The following ASPM variants were observed in gnomAD, a reference collection of about 807,000 sequenced individuals.
ASPM encodes the protein assembly factor for spindle microtubules, also known as abnormal spindle-like microcephaly-associated protein.
In ASPM, 256 loss-of-function variants were observed where a neutral mutation model predicts 366.4. The ratio of observed to expected loss-of-function variants is 0.70; its 90% CI spans 0.63 to 0.77. The LOEUF is 0.77. Among genes scored for constraint, ASPM ranks in the 30% least tolerant of loss-of-function variants. ASPM has a pLI of 0.00. For missense variants in ASPM, 4,146 were observed against 4,090.4 expected (o/e 1.01, Z -0.37); for synonymous variants, 1,414 against 1,342.9 (o/e 1.05, Z -1.16).
chr1:197,118,366 G>C (rs1657802882), intron 16 of ASPM, among the ~76,000 whole-genome samples: 1 of 152,072 alleles, frequency 6.6e-6, no homozygotes, highest in Non-Finnish European at 1.5e-5. Context: ...ATGAAAAAAA[G>C]AATGTGTTAG....
In ASPM at chr1:197,094,101, G is replaced by A. The variant is rs1292966852; in HGVS notation, c.9067C>T (p.His3023Tyr). ...AILPAKIAHE[H>Y]FLMIKRHRAA... ...ATACCTACTTTTATCATTAAGAAGT[G>A]TTCATGAGCTATCTTTGCAGGAAGT... The change falls in exon 20 of 28, where the codon CAC (histidine) becomes TAC (tyrosine). Residue 3023 changes from histidine to tyrosine, a missense_variant. Physicochemically the swap from His to Tyr is moderately conservative, Grantham distance 83. This residue lies in a region of ASPM where 3,624 missense variants were observed against 3,591.7 expected (regional missense o/e 1.01). Transcript: ENST00000367409. 3 of 1,593,990 alleles carry A rather than the reference G, an allele frequency of 1.9e-6. No homozygotes were observed. Among genetic ancestry groups the A allele is most frequent in the South Asian group, 1.1e-5 (1 of 89,724 alleles).
In ASPM at chr1:197,125,838, C is replaced by T. The variant is rs1571617385; in HGVS notation, c.2937-647G>A. On this transcript the variant is annotated intron_variant, in intron 10 of 27. Transcript: ENST00000367409. Reference sequence around the variant, plus strand: ...AACCCCAACTGATTTCTGTCTTCAACAAAAAGCTGGTAGAATTACTTATAC... The same window carrying T: ...AACCCCAACTGATTTCTGTCTTCAATAAAAAGCTGGTAGAATTACTTATAC... Among the ~76,000 whole-genome samples, 4 of 152,128 alleles carry T rather than the reference C, an allele frequency of 2.6e-5. No homozygotes were observed. The South Asian group carries it at 8.3e-4, about 32-fold the overall frequency.
At chr1:197,142,296 G>A (rs971191765) in intron 3 of ASPM, 35 bp downstream of exon 3, 1 of 1,602,124 alleles carries the variant, frequency 6.2e-7, no homozygotes, top group Non-Finnish European at 8.5e-7. Flanking sequence ...CCCCTTTACA[G>A]GTATACTTCA....
At position 197,133,612 on chromosome 1, in the gene ASPM, G is replaced by C. The variant is rs768596681; in HGVS notation, c.2174-17C>G. 5 of 1,610,128 alleles carry C rather than the reference G, an allele frequency of 3.1e-6. No individual in the cohort carries two copies. In the South Asian group the frequency reaches 3.3e-5, roughly 11 times the overall value. Reference sequence around the variant, plus strand: ...CAGCATTTACTGGGTAAAAACAAAAGAAAGAATGTTTCTGGTTAAACAATA... The same window carrying C: ...CAGCATTTACTGGGTAAAAACAAAACAAAGAATGTTTCTGGTTAAACAATA... On this transcript the variant is annotated splice_polypyrimidine_tract_variant and intron_variant, in intron 5 of 27. Transcript: ENST00000367409.
In ASPM at chr1:197,132,365, TC is replaced by T. The variant is rs777917466; in HGVS notation, c.2420-14del. 4.5e-5 allele frequency: 72 copies of T among 1,611,396 alleles called. No homozygotes were observed. The highest frequency in any genetic ancestry group is 3.3e-4 in the Middle Eastern group (2 of 6,038). On this transcript the variant is annotated splice_polypyrimidine_tract_variant and intron_variant, in intron 6 of 27. Coordinates refer to ENST00000367409, the MANE Select transcript of ASPM (RefSeq NM_018136.5). ...TTCTGACGTTCTCCTGAAATGCATG[TC>T]AAAGGCAAATAAGTTCAAATTGATA...
At chr1:197,122,111 T>C in intron 15 of ASPM, 48 bp downstream of exon 15, 1 of 1,598,414 alleles carries the variant, frequency 6.3e-7, no homozygotes. Flanking sequence ...TATCATCTTC[T>C]GAGACTTTAT....
Position 197,122,316 on chromosome 1 carries a change from G to A in ASPM, c.3599-15C>T, listed in dbSNP as rs771389999. 3 of 1,613,702 alleles carry A rather than the reference G, an allele frequency of 1.9e-6. No individual in the cohort carries two copies. The South Asian group carries it at 3.3e-5, about 18-fold the overall frequency. ...TGAAGTATTTTCTATTATGCAGGAG[G>A]AAAGGAGAAATTAGCCGTAGCTTCA... On this transcript the variant is annotated splice_polypyrimidine_tract_variant and intron_variant, in intron 14 of 27. Coordinates refer to ENST00000367409, the MANE Select transcript of ASPM (RefSeq NM_018136.5).
intron 17 of ASPM, among the ~76,000 whole-genome samples, chr1:197,110,481 G>A (rs921427694): frequency 6.6e-6 from 1 of 152,054 alleles, no homozygotes. Flanking sequence ...ACTTTGATAT[G>A]ACGCTAAAAG....
intron 4 of ASPM, among the ~76,000 whole-genome samples, chr1:197,139,509 ACAT>A (rs1272560705): frequency 3.3e-5 from 5 of 152,344 alleles, no homozygotes; most frequent in Admixed American, 6.5e-5. Flanking sequence ...TATGCTAGAA[ACAT>A]CAGTTATTCT....
intron 19 of ASPM, 59 bp from the exon 20 acceptor site, chr1:197,094,239 T>A: frequency 1.0e-6 from 1 of 979,746 alleles, no homozygotes; most frequent in Non-Finnish European, 1.6e-6. Context: ...AATGAGTATT[T>A]ATTGCCTCCC....
chr1:197,087,358 G>C lies in ASPM; in HGVS notation c.10162-386C>G, dbSNP rs1025988943. 9.2e-5 allele frequency among the ~76,000 whole-genome samples: 14 copies of C among 152,118 alleles called. 1 individual carries two copies. Among genetic ancestry groups the C allele is most frequent in the Non-Finnish European group, 2.9e-5 (2 of 68,030 alleles). On this transcript the variant is annotated intron_variant, in intron 26 of 27. Transcript: ENST00000367409. ...CCCAAAGTGCTGGGATTACAGGCGT[G>C]AGCCACCGTGCCCAGCCTGCAGTAA...
intron 26 of ASPM, among the ~76,000 whole-genome samples, chr1:197,087,233 C>A (rs550296007): frequency 1.8e-3 from 281 of 151,994 alleles, no homozygotes; most frequent in African/African-American, 6.3e-3. Flanking sequence ...CGCCACCACA[C>A]CCGGCTAATT....
chr1:197,129,124 T>C, intron 9 of ASPM, 63 bp downstream of exon 9: 8 of 1,562,708 alleles, frequency 5.1e-6, no homozygotes, highest in Non-Finnish European at 6.1e-6. Context: ...AAACATACCA[T>C]GAAAGCAAGC....
rs148364673 is a variant in ASPM at position 197,121,964 on chromosome 1, T to C, written c.3821A>G (p.Gln1274Arg). ...TAGTTTATATTTTCTCCATGTTGTT[T>C]GTATGAGTCGAGCAGCTCTTATTTC... The part of the protein sequence containing the change: ...RKEIRAARLI[Q>R]TTWRKYKLKT... Residue 1274 changes from glutamine to arginine, a missense_variant, in exon 16 of 28, where the codon CAA (glutamine) becomes CGA (arginine). Physicochemically the swap from Gln to Arg is conservative, Grantham distance 43. Around this residue, in one of 3 missense-constraint regions of ASPM, gnomAD observed 3,624 missense variants for 3,591.7 expected, o/e 1.01. Coordinates refer to ENST00000367409, the MANE Select transcript of ASPM (RefSeq NM_018136.5). The C allele has an allele frequency of 6.2e-7, 1 of 1,611,828 alleles. No homozygotes were observed. The highest frequency in any genetic ancestry group is 8.5e-7 in the Non-Finnish European group (1 of 1,178,172).
At chr1:197,134,254 A>T (rs7553977) in intron 5 of ASPM, among the ~76,000 whole-genome samples, 1 of 151,224 alleles carries the variant, frequency 6.6e-6, no homozygotes, top group Non-Finnish European at 1.5e-5. Context: ...AAATAATAAA[A>T]AAAAAAAACT....
At chr1:197,131,045 A>G (rs1658240327) in intron 7 of ASPM, among the ~76,000 whole-genome samples, 1 of 152,240 alleles carries the variant, frequency 6.6e-6, no homozygotes, top group Admixed American at 6.5e-5. Flanking sequence ...TATGTGAAGC[A>G]GAGCTAGTTG....
At position 197,132,310 on chromosome 1, in the gene ASPM, G is replaced by A. The variant is rs755000489; in HGVS notation, c.2462C>T (p.Pro821Leu). ...KVLNWLLSYNPLWLRIGLETT... is the reference protein window; with the variant it reads ...KVLNWLLSYNLLWLRIGLETT... ...CTCTAGACCAATTCGAAGCCACAAA[G>A]GATTGTAGGACAACAGCCAATTCAG... Residue 821 changes from proline (P) to leucine (L), a missense_variant, in exon 7 of 28, where the codon CCT becomes CTT. This residue lies in a region of ASPM where 3,624 missense variants were observed against 3,591.7 expected (regional missense o/e 1.01). Coordinates refer to ENST00000367409, the MANE Select transcript of ASPM (RefSeq NM_018136.5). 6.2e-6 allele frequency: 10 copies of A among 1,612,992 alleles called. No homozygotes were observed. In the African/African-American group the frequency reaches 1.3e-4, roughly 22 times the overall value.
In ASPM at chr1:197,138,460, G is replaced by C. The variant is rs555578998; in HGVS notation, c.2026+1307C>G. 3.3e-5 allele frequency among the ~76,000 whole-genome samples: 5 copies of C among 152,218 alleles called. No individual in the cohort carries two copies. The South Asian group carries it at 1.0e-3, about 32-fold the overall frequency. ...CCACAGGTACCGGCCACCAAGCCCA[G>C]CCAACTCTTGTATTCCCAGCAGAGA... On this transcript the variant is annotated intron_variant, in intron 4 of 27. Coordinates refer to ENST00000367409, the MANE Select transcript of ASPM (RefSeq NM_018136.5).
chr1:197,128,238 G>T (rs1310047275), intron 10 of ASPM, among the ~76,000 whole-genome samples: 2 of 150,348 alleles, frequency 1.3e-5, no homozygotes, highest in Non-Finnish European at 3.0e-5. Flanking sequence ...CCTATTCTGA[G>T]ACATCAGTAA....
Sources: allele counts gnomAD v4.1 joint callset (sites outside exome capture counted in the v4.1 genomes callset), GRCh38; gene constraint gnomAD v4.1.1; regional missense constraint gnomAD v4.1.1; transcripts MANE v1.5; gene names NCBI Gene and HGNC (gene_info 2026-07-23, HGNC 2026-07-21).